CNTN4: variants seen among roughly 807,000 people sequenced by gnomAD.
The protein encoded by CNTN4 is contactin-4.
CNTN4 carries 77 observed loss-of-function variants against 122.5 expected under a neutral mutation model. The observed-to-expected ratio is 0.63, with a 90% CI of 0.52 to 0.76. The LOEUF is 0.76. Ranked by LOEUF, CNTN4 falls within the 30% of genes least tolerant of loss-of-function variation. CNTN4 has a pLI of 0.00. For missense variants in CNTN4, 1,256 were observed against 1,259.1 expected (o/e 1.00, Z 0.04); for synonymous variants, 512 against 447.0 (o/e 1.15, Z -1.83).
At chr3:2,490,965 A>AG (rs1386593773) in intron 3 of CNTN4, among the ~76,000 whole-genome samples, 1 of 152,206 alleles carries the variant, frequency 6.6e-6, no homozygotes, top group Non-Finnish European at 1.5e-5. Context: ...CTAGAGATCA[A>AG]GATACCACCT....
At chr3:2,233,617 G>A (rs375633856) in intron 2 of CNTN4, among the ~76,000 whole-genome samples, 223 of 152,130 alleles carry the variant, frequency 1.5e-3, no homozygotes, top group Non-Finnish European at 2.8e-3. Flanking sequence ...TCTTCAGACC[G>A]TTTTCTTGGT....
At position 2,871,136 on chromosome 3, in the gene CNTN4, C is replaced by T. The variant is rs561978450; in HGVS notation, c.652+4187C>T. Reference sequence around the variant, plus strand: ...AAGCAGTCCAGGCAGAGTTCAGCCCCACCATTTATTAGCCACGTGGCTTTG... The same window carrying T: ...AAGCAGTCCAGGCAGAGTTCAGCCCTACCATTTATTAGCCACGTGGCTTTG... On this transcript the variant is annotated intron_variant, in intron 8 of 24. Transcript: ENST00000418658. Among the ~76,000 whole-genome samples, 4 of 152,254 alleles carry T rather than the reference C, an allele frequency of 2.6e-5. No individual in the cohort carries two copies. The South Asian group carries it at 6.2e-4, about 24-fold the overall frequency.
intron 3 of CNTN4, among the ~76,000 whole-genome samples, chr3:2,516,679 G>A (rs943480200): frequency 1.3e-5 from 2 of 152,116 alleles, no homozygotes; most frequent in Non-Finnish European, 2.9e-5. Context: ...ATTTCTCTAT[G>A]TTTTAAGGGA....
intron 2 of CNTN4, among the ~76,000 whole-genome samples, chr3:2,263,830 C>CTCTATT (rs774437058): frequency 8.6e-4 from 112 of 129,574 alleles, no homozygotes; most frequent in South Asian, 3.1e-3. Flanking sequence ...CTCTCTATCT[C>CTCTATT]CCTGAAATCT....
intron 10 of CNTN4, among the ~76,000 whole-genome samples, chr3:2,889,050 AG>A (rs199726770): frequency 0.028 from 4,260 of 152,184 alleles, 191 homozygotes; most frequent in African/African-American, 0.097. Flanking sequence ...AAAGGGAAAA[AG>A]GAAGGAAGGA....
intron 5 of CNTN4, among the ~76,000 whole-genome samples, chr3:2,743,949 T>G (rs2089611247): frequency 6.6e-6 from 1 of 152,144 alleles, no homozygotes; most frequent in African/African-American, 2.4e-5. Flanking sequence ...TAGCTGGGAC[T>G]ACAAGCATGC....
At chr3:2,134,004 A>C in intron 2 of CNTN4, among the ~76,000 whole-genome samples, 1 of 152,258 alleles carries the variant, frequency 6.6e-6, no homozygotes, top group South Asian at 2.1e-4. Flanking sequence ...TCATTTTAAA[A>C]CTGATGAAAT....
chr3:2,429,590 C>G (rs762404183), intron 3 of CNTN4, among the ~76,000 whole-genome samples: 1 of 152,178 alleles, frequency 6.6e-6, no homozygotes, highest in Non-Finnish European at 1.5e-5. Context: ...GCTGGGAGAA[C>G]CACTACTCTC....
chr3:2,135,597 G>T (rs553010946), intron 2 of CNTN4, among the ~76,000 whole-genome samples: 1 of 152,062 alleles, frequency 6.6e-6, no homozygotes, highest in African/African-American at 2.4e-5. Flanking sequence ...TTGTATTTCC[G>T]AGGCTGGTAA....
intron 4 of CNTN4, among the ~76,000 whole-genome samples, chr3:2,616,190 C>T (rs1263323547): frequency 2.6e-5 from 4 of 151,908 alleles, no homozygotes; most frequent in African/African-American, 9.7e-5. Flanking sequence ...GTTCCCCTCC[C>T]TGTGTCCATG....
At chr3:2,539,160 A>G (rs1246718596) in intron 3 of CNTN4, among the ~76,000 whole-genome samples, 1 of 152,092 alleles carries the variant, frequency 6.6e-6, no homozygotes, top group African/African-American at 2.4e-5. Flanking sequence ...CATAAGCAAG[A>G]TGATAGTGAA....
intron 3 of CNTN4, among the ~76,000 whole-genome samples, chr3:2,355,684 G>A (rs1260541849): frequency 6.6e-6 from 1 of 152,020 alleles, no homozygotes; most frequent in East Asian, 1.9e-4. Flanking sequence ...GTCGATACTG[G>A]CCATCCTAGC....
At chr3:2,615,964 T>A (rs2081707920) in intron 4 of CNTN4, among the ~76,000 whole-genome samples, 1 of 151,750 alleles carries the variant, frequency 6.6e-6, no homozygotes, top group African/African-American at 2.4e-5. Context: ...CATAAATTCC[T>A]CTTTAATTAC....
intron 2 of CNTN4, among the ~76,000 whole-genome samples, chr3:2,247,653 C>T (rs562775231): frequency 8.6e-5 from 13 of 151,862 alleles, no homozygotes; most frequent in Admixed American, 2.6e-4. Context: ...TAAAACTGAG[C>T]TATGGGGCAA....
At chr3:2,668,617 T>G (rs1483349282) in intron 4 of CNTN4, among the ~76,000 whole-genome samples, 1 of 152,202 alleles carries the variant, frequency 6.6e-6, no homozygotes. Context: ...TGGCCAGAAC[T>G]TCCAACACTA....
chr3:2,755,703 G>C (rs1484080898), intron 6 of CNTN4, among the ~76,000 whole-genome samples: 1 of 152,152 alleles, frequency 6.6e-6, no homozygotes, highest in Non-Finnish European at 1.5e-5. Flanking sequence ...ATAAAAAGCA[G>C]TTTGTGACAT....
Position 2,682,730 on chromosome 3 carries a change from A to T in CNTN4, c.56-53485A>T, listed in dbSNP as rs1050271560. On this transcript the variant is annotated intron_variant, in intron 4 of 24. Transcript: ENST00000418658. The stretch of plus-strand genomic sequence containing the variant: ...TAAAGATCTAGACAAAAAGGATCAA[A>T]TTCCTAATTACTGAAAATTGCACCC... Among the ~76,000 whole-genome samples, 3 of 152,168 alleles carry T rather than the reference A, an allele frequency of 2.0e-5. No homozygotes were observed. The East Asian group carries it at 5.8e-4, about 29-fold the overall frequency.
chr3:2,381,829 A>C (rs1197805267), intron 3 of CNTN4, among the ~76,000 whole-genome samples: 1 of 152,164 alleles, frequency 6.6e-6, no homozygotes, highest in Non-Finnish European at 1.5e-5. Flanking sequence ...AAATATTCAG[A>C]AAACATATAT....
chr3:2,557,042 T>C (rs553752944), intron 3 of CNTN4, among the ~76,000 whole-genome samples: 1 of 152,364 alleles, frequency 6.6e-6, no homozygotes, highest in Non-Finnish European at 1.5e-5. Flanking sequence ...AAACTATTTA[T>C]GATTTTCTTT....
Sources: allele counts gnomAD v4.1 joint callset (sites outside exome capture counted in the v4.1 genomes callset), GRCh38; gene constraint gnomAD v4.1.1; transcripts MANE v1.5; gene names NCBI Gene and HGNC (gene_info 2026-07-23, HGNC 2026-07-21).